Variants in TMEM120B observed in about 807,000 individuals in gnomAD.
TMEM120B encodes the protein transmembrane protein 120B.
In TMEM120B, 31 loss-of-function variants were observed where a neutral mutation model predicts 55.5. The observed-to-expected ratio is 0.56, with a 90% confidence interval of 0.42 to 0.75. TMEM120B has a LOEUF of 0.75. Among genes scored for constraint, TMEM120B ranks in the 30% least tolerant of loss-of-function variants. TMEM120B has a pLI of 0.00. For synonymous variants in TMEM120B, 203 were observed against 176.3 expected (o/e 1.15, Z -1.20); for missense variants, 399 against 425.5 (o/e 0.94, Z 0.55).
At chr12:121,760,195 C>T (rs1179893) in intron 5 of TMEM120B, among the ~76,000 whole-genome samples, 3 of 149,872 alleles carry the variant, frequency 2.0e-5, no homozygotes, top group Non-Finnish European at 4.4e-5. Context: ...CCCAGCTACT[C>T]GGGAGGCTGA....
In TMEM120B at chr12:121,777,055, A is replaced by T. The variant is rs1301312687; in HGVS notation, c.*1333A>T. The T allele has an allele frequency of 6.6e-6, 1 of 151,348 alleles. No homozygotes were observed. Among genetic ancestry groups the T allele is most frequent in the African/African-American group, 2.4e-5 (1 of 41,062 alleles). 9.4% of individuals were successfully genotyped at this position (151,348 alleles called of 1,614,324 possible). A position where few individuals can be genotyped will look rare whatever the true frequency, so the allele number is the denominator to read the frequency against. On this transcript the variant is annotated 3_prime_UTR_variant, in exon 12 of 12. Transcript: ENST00000449592. ...ACTGCAACCTCTGCCTCCCAGGTTC[A>T]AGTGATTCTCCTGCCTCAGCCTCCC...
At chr12:121,722,239 C>T (rs1214090980) in intron 1 of TMEM120B, among the ~76,000 whole-genome samples, 1 of 151,998 alleles carries the variant, frequency 6.6e-6, no homozygotes, top group African/African-American at 2.4e-5. Context: ...GTTGGTATTA[C>T]AGGCGTGTGC....
At chr12:121,735,324 A>G (rs1011134360) in intron 1 of TMEM120B, among the ~76,000 whole-genome samples, 1 of 152,166 alleles carries the variant, frequency 6.6e-6, no homozygotes, top group African/African-American at 2.4e-5. Context: ...TCATATCTGT[A>G]TAAAAACAAA....
chr12:121,759,338 C>T (rs1873593518), intron 5 of TMEM120B, among the ~76,000 whole-genome samples: 1 of 152,002 alleles, frequency 6.6e-6, no homozygotes, highest in Non-Finnish European at 1.5e-5. Flanking sequence ...GACTGAGGGG[C>T]ATAAGGCAGA....
chr12:121,729,882 A>G (rs1894964298), intron 1 of TMEM120B, among the ~76,000 whole-genome samples: 1 of 152,174 alleles, frequency 6.6e-6, no homozygotes, highest in Admixed American at 6.6e-5. Context: ...CAAAAGATGG[A>G]AGCAACCCAT....
At chr12:121,754,616 C>T (rs930559472) in intron 5 of TMEM120B, among the ~76,000 whole-genome samples, 5 of 152,186 alleles carry the variant, frequency 3.3e-5, no homozygotes, top group African/African-American at 9.7e-5. Context: ...GTGTTTCACT[C>T]GCCTCTGTCT....
chr12:121,781,144 T>C lies in TMEM120B; in HGVS notation c.*5422T>C, dbSNP rs1438878634. On this transcript the variant is annotated 3_prime_UTR_variant, in exon 12 of 12. Transcript: ENST00000449592. ...GACGTCATAGCAGATGAGCACGAGG[T>C]GGGTGTTCTGGTAGGACAGGGGCCG... 10 of 1,613,646 alleles carry C rather than the reference T, an allele frequency of 6.2e-6. No individual in the cohort carries two copies. Among genetic ancestry groups the C allele is most frequent in the Non-Finnish European group, 7.6e-6 (9 of 1,179,966 alleles).
rs184907189 is a variant in TMEM120B at position 121,776,009 on chromosome 12, G to A, written c.*287G>A. The A allele has an allele frequency of 8.9e-5, 53 of 592,296 alleles. No homozygotes were observed. The highest frequency in any genetic ancestry group is 8.0e-4 in the African/African-American group (43 of 53,798). The allele number at this position is 592,296 out of a possible 1,614,324, so 36.7% of individuals were successfully genotyped here. ...CCGGGCCAGTCTTCCTGGGGATGGG[G>A]CCTGAAGCCTCAGGGAGCCCCTCTG... On this transcript the variant is annotated 3_prime_UTR_variant, in exon 12 of 12. Coordinates refer to ENST00000449592, the MANE Select transcript of TMEM120B (RefSeq NM_001080825.2).
At chr12:121,773,656 C>G in intron 9 of TMEM120B, 143 bp downstream of exon 9, 1 of 622,548 alleles carries the variant, frequency 1.6e-6, no homozygotes, top group Non-Finnish European at 2.6e-6. Flanking sequence ...AGAATTCATC[C>G]TGGATTCTGT....
chr12:121,756,565 C>A (rs963507655), intron 5 of TMEM120B, among the ~76,000 whole-genome samples: 3 of 152,182 alleles, frequency 2.0e-5, no homozygotes, highest in African/African-American at 7.2e-5. Context: ...AGTATGGGAA[C>A]AGAAATGGCC....
At position 121,775,496 on chromosome 12, in the gene TMEM120B, A is replaced by G; in HGVS notation, c.907-113A>G. On this transcript the variant is annotated intron_variant, in intron 11 of 11. Coordinates refer to ENST00000449592, the MANE Select transcript of TMEM120B (RefSeq NM_001080825.2). The surrounding 1 kb of genome is among the most constrained non-coding windows in gnomAD (Gnocchi z 4.3). ...CTGAATCTCTGCCTTCGATGGCAAA[A>G]CCCTGCAGTTTGGGAGTTTGGGGGC... is the stretch of plus-strand genomic sequence containing the variant. 2 of 1,474,414 alleles carry G rather than the reference A, an allele frequency of 1.4e-6. No individual in the cohort carries two copies. Among genetic ancestry groups the G allele is most frequent in the Non-Finnish European group, 1.8e-6 (2 of 1,116,914 alleles). The allele number at this position is 1,474,414 out of a possible 1,614,324, so 91.3% of individuals were successfully genotyped here. A position where few individuals can be genotyped will look rare whatever the true frequency, so the allele number is the denominator to read the frequency against.
At chr12:121,744,689 C>T (rs1406608669) in intron 2 of TMEM120B, among the ~76,000 whole-genome samples, 1 of 152,210 alleles carries the variant, frequency 6.6e-6, no homozygotes, top group Non-Finnish European at 1.5e-5. Context: ...GCCGTGACCC[C>T]ATTGTCAGGC....
chr12:121,749,928 C>CA (rs1873222413), intron 3 of TMEM120B, among the ~76,000 whole-genome samples: 1 of 147,528 alleles, frequency 6.8e-6, no homozygotes, highest in African/African-American at 2.5e-5. Flanking sequence ...AAACAAAAAA[C>CA]ACTGCAGTGA....
intron 6 of TMEM120B, 92 bp from the exon 7 acceptor site, chr12:121,770,815 G>A (rs1874017903): frequency 8.4e-7 from 1 of 1,189,132 alleles, no homozygotes; most frequent in African/African-American, 1.5e-5. Context: ...TGAGTGCAGA[G>A]TAACCCCTGC....
chr12:121,742,898 GTCTTCA>G (rs1419005585), intron 1 of TMEM120B, among the ~76,000 whole-genome samples: 1 of 152,124 alleles, frequency 6.6e-6, no homozygotes, highest in Non-Finnish European at 1.5e-5. Flanking sequence ...TAATGTCATG[GTCTTCA>G]TCTCCCATGC....
At chr12:121,740,922 T>C (rs921888621) in intron 1 of TMEM120B, among the ~76,000 whole-genome samples, 3 of 152,176 alleles carry the variant, frequency 2.0e-5, no homozygotes, top group Non-Finnish European at 2.9e-5. Flanking sequence ...TTATGGGCCA[T>C]ATGGTCTCTG....
chr12:121,771,688 C>T lies in TMEM120B; in HGVS notation c.679+139C>T, dbSNP rs1874058504. 3.4e-6 allele frequency: 3 copies of T among 881,146 alleles called. No individual in the cohort carries two copies. The African/African-American group carries it at 5.0e-5, about 15-fold the overall frequency. 54.6% of individuals were successfully genotyped at this position (881,146 alleles called of 1,614,324 possible). A position where few individuals can be genotyped will look rare whatever the true frequency, so the allele number is the denominator to read the frequency against. ...ACTGGGGGAGAGGGTCCCAGAAATC[C>T]AGAAGGAGAGCTGTCCCCGCCCCAG... On this transcript the variant is annotated intron_variant, in intron 8 of 11. Transcript: ENST00000449592.
chr12:121,766,084 G>C (rs2137327979), intron 6 of TMEM120B, among the ~76,000 whole-genome samples: 2 of 152,226 alleles, frequency 1.3e-5, no homozygotes, highest in African/African-American at 4.8e-5. Flanking sequence ...CGGCGTCGCT[G>C]AACCCTACGG....
In TMEM120B at chr12:121,779,350, GGA is replaced by G; in HGVS notation, c.*3634_*3635del. The G allele has an allele frequency of 2.4e-6, 2 of 844,238 alleles. No homozygotes were observed. Among genetic ancestry groups the G allele is most frequent in the Non-Finnish European group, 3.6e-6 (2 of 558,066 alleles). The allele number at this position is 844,238 out of a possible 1,614,324, so 52.3% of individuals were successfully genotyped here. Reference sequence around the variant, plus strand: ...TGTGGTCAGAGCCCCAGCCAGGAAAGGAGAGAGTTCCAGAATGTTCCAAGAGT... The same window carrying G: ...TGTGGTCAGAGCCCCAGCCAGGAAAGGAGAGTTCCAGAATGTTCCAAGAGT... On this transcript the variant is annotated 3_prime_UTR_variant, in exon 12 of 12. Coordinates refer to ENST00000449592, the MANE Select transcript of TMEM120B (RefSeq NM_001080825.2).
Sources: gnomAD v4.1 joint callset for allele counts (sites outside exome capture counted in the v4.1 genomes callset) on GRCh38, gnomAD v4.1.1 for gene constraint, Gnocchi (gnomAD v3.1) non-coding constraint, MANE v1.5 for transcripts, NCBI Gene and HGNC (gene_info 2026-07-23, HGNC 2026-07-21) for gene names.